IL18RAP: variants seen among roughly 807,000 people sequenced by gnomAD.
The protein encoded by IL18RAP is interleukin 18 receptor accessory protein.
A neutral mutation model predicts 58.1 loss-of-function variants in IL18RAP; 37 were observed. That is an observed-to-expected ratio of 0.64 (90% CI 0.49 to 0.84). The LOEUF is 0.84. Among genes scored for constraint, IL18RAP ranks in the 40% least tolerant of loss-of-function variants. IL18RAP has a pLI of 0.00. For synonymous variants in IL18RAP, 268 were observed against 257.5 expected, an observed-to-expected ratio of 1.04 and a Z score of -0.39; for missense variants, 667 against 704.8, an observed-to-expected ratio of 0.95 and a Z score of 0.61.
intron 3 of IL18RAP, among the ~76,000 whole-genome samples, chr2:102,436,218 G>A (rs553754561): frequency 6.6e-6 from 1 of 152,222 alleles, no homozygotes; most frequent in Non-Finnish European, 1.5e-5. Flanking sequence ...TGAGGTCTTA[G>A]TTACGGCTCT....
intron 1 of IL18RAP, among the ~76,000 whole-genome samples, chr2:102,423,582 G>T (rs1157798487): frequency 6.6e-6 from 1 of 152,174 alleles, no homozygotes; most frequent in Non-Finnish European, 1.5e-5. Context: ...CGAGGGATGA[G>T]CCAGAGTTCT....
chr2:102,438,976 G>T (rs1682929124), intron 4 of IL18RAP: 1 of 152,290 alleles, frequency 6.6e-6, no homozygotes, highest in Non-Finnish European at 1.5e-5. Context: ...GGACACACCA[G>T]CTCAGTAAGG....
intron 8 of IL18RAP, among the ~76,000 whole-genome samples, chr2:102,448,439 A>G (rs960497713): frequency 2.0e-5 from 3 of 152,242 alleles, no homozygotes; most frequent in African/African-American, 7.2e-5. Flanking sequence ...TCTGTGGAAT[A>G]GAAGTCTTGC....
chr2:102,430,578 T>C (rs75638520), intron 3 of IL18RAP, among the ~76,000 whole-genome samples: 1 of 152,118 alleles, frequency 6.6e-6, no homozygotes, highest in Non-Finnish European at 1.5e-5. Flanking sequence ...GCACAGGCTG[T>C]TGCCATTTTG....
chr2:102,444,691 T>A (rs1436095237), intron 6 of IL18RAP, among the ~76,000 whole-genome samples: 1 of 152,200 alleles, frequency 6.6e-6, no homozygotes, highest in African/African-American at 2.4e-5. Context: ...AGCCCAGGAA[T>A]CAAGCTGCCC....
rs140692064 is a variant in IL18RAP, at chr2:102,433,416, G to A, written c.580-3796G>A. On this transcript the variant is annotated intron_variant, in intron 3 of 9. Coordinates refer to ENST00000687160, the MANE Select transcript of IL18RAP (RefSeq NM_001393487.1). ...TTTAAAAATTTTTTGTAGAGAAGGG[G>A]TTTCACTATGTTGCTCAGGCTGGTT... is the stretch of plus-strand genomic sequence containing the variant. 1.3e-3 allele frequency among the ~76,000 whole-genome samples: 197 copies of A among 152,206 alleles called. 1 individual carries two copies. Among genetic ancestry groups the A allele is most frequent in the African/African-American group, 4.5e-3 (187 of 41,530 alleles).
chr2:102,425,216 T>C (rs1681863353), intron 3 of IL18RAP, among the ~76,000 whole-genome samples: 1 of 152,238 alleles, frequency 6.6e-6, no homozygotes, highest in Non-Finnish European at 1.5e-5. Context: ...AATTTTGTAT[T>C]CAACCTCATA....
chr2:102,436,194 C>T (rs538853783), intron 3 of IL18RAP, among the ~76,000 whole-genome samples: 1 of 152,208 alleles, frequency 6.6e-6, no homozygotes, highest in East Asian at 1.9e-4. Context: ...CCCCATCCTC[C>T]CCCTTGGCTT....
chr2:102,422,076 T>A (rs1014244835), upstream of IL18RAP, among the ~76,000 whole-genome samples: 1 of 152,100 alleles, frequency 6.6e-6, no homozygotes, highest in Non-Finnish European at 1.5e-5. Flanking sequence ...GCAGGCGTGG[T>A]TCTTCCCCGC....
Position 102,432,522 on chromosome 2 carries a change from G to C in IL18RAP, c.580-4690G>C, listed in dbSNP as rs528315738. 4.6e-5 allele frequency among the ~76,000 whole-genome samples: 7 copies of C among 152,326 alleles called. No homozygotes were observed. The East Asian group carries it at 1.4e-3, about 30-fold the overall frequency. On this transcript the variant is annotated intron_variant, in intron 3 of 9. Transcript: ENST00000687160. Reference sequence around the variant, plus strand: ...CAGGCTAGGCCCTGAGGCAAAGTTAGTTATCTGGGATTGCTGCTCAGCAAT... The same window carrying C: ...CAGGCTAGGCCCTGAGGCAAAGTTACTTATCTGGGATTGCTGCTCAGCAAT...
At chr2:102,437,068 A>C in intron 3 of IL18RAP, 144 bp from the exon 4 acceptor site, 1 of 680,364 alleles carries the variant, frequency 1.5e-6, no homozygotes, top group Middle Eastern at 4.1e-4. Flanking sequence ...TTTTGAACAC[A>C]ATGTCTTCAT....
At chr2:102,428,277 T>C (rs991856364) in intron 3 of IL18RAP, among the ~76,000 whole-genome samples, 1 of 151,782 alleles carries the variant, frequency 6.6e-6, no homozygotes, top group African/African-American at 2.4e-5. Flanking sequence ...AATGTGTAGA[T>C]CACTTTGAGT....
At chr2:102,420,196 C>T (rs1301157620), upstream of IL18RAP, among the ~76,000 whole-genome samples, 1 of 152,216 alleles carries the variant, frequency 6.6e-6, no homozygotes, top group Admixed American at 6.5e-5. Flanking sequence ...CTGGCAACAG[C>T]TACTGTAACT....
chr2:102,439,009 T>G (rs974646095), intron 4 of IL18RAP: 1 of 152,294 alleles, frequency 6.6e-6, no homozygotes, highest in African/African-American at 2.4e-5. Context: ...CATTCCAGAC[T>G]GAGGAAGCAG....
In IL18RAP at chr2:102,437,898, G is replaced by A. The variant is rs1170223784; in HGVS notation, c.730+536G>A. On this transcript the variant is annotated intron_variant, in intron 4 of 9. Transcript: ENST00000687160. Reference sequence around the variant, plus strand: ...TTAACAAAATAGAATATTGTTTTGAGTTATGAAATATGTTTGTGTCATAAA... The same window carrying A: ...TTAACAAAATAGAATATTGTTTTGAATTATGAAATATGTTTGTGTCATAAA... Among the ~76,000 whole-genome samples the A allele has an allele frequency of 2.6e-5, 4 of 152,186 alleles. No individual in the cohort carries two copies. The South Asian group carries it at 8.3e-4, about 32-fold the overall frequency.
intron 7 of IL18RAP, among the ~76,000 whole-genome samples, chr2:102,445,799 G>A (rs1207859570): frequency 6.7e-6 from 1 of 149,228 alleles, no homozygotes; most frequent in Non-Finnish European, 1.5e-5. Flanking sequence ...TCAAAATGGT[G>A]TGTGTATATC....
chr2:102,431,337 A>G (rs1372491516), intron 3 of IL18RAP, among the ~76,000 whole-genome samples: 1 of 152,158 alleles, frequency 6.6e-6, no homozygotes, highest in African/African-American at 2.4e-5. Context: ...ATCTCTTGCT[A>G]CTTTCAATAT....
At chr2:102,432,074 G>A (rs1018156982) in intron 3 of IL18RAP, among the ~76,000 whole-genome samples, 14 of 152,014 alleles carry the variant, frequency 9.2e-5, no homozygotes, top group African/African-American at 3.4e-4. Flanking sequence ...GGTGATCTTT[G>A]GTGGTAGCAG....
At chr2:102,432,635 A>C (rs1275949490) in intron 3 of IL18RAP, among the ~76,000 whole-genome samples, 1 of 152,126 alleles carries the variant, frequency 6.6e-6, no homozygotes, top group African/African-American at 2.4e-5. Flanking sequence ...TAGGCAGGGC[A>C]TTGAGGCTTG....
Sources: allele counts gnomAD v4.1 joint callset (sites outside exome capture counted in the v4.1 genomes callset), GRCh38; gene constraint gnomAD v4.1.1; transcripts MANE v1.5; gene names NCBI Gene and HGNC (gene_info 2026-07-23, HGNC 2026-07-21).